Variants in FHIT observed in about 807,000 individuals in gnomAD.
FHIT encodes the protein bis(5'-adenosyl)-triphosphatase.
A neutral mutation model predicts 17.9 loss-of-function variants in FHIT; 19 were observed. That is an observed-to-expected ratio of 1.06 (90% CI 0.74 to 1.56). The LOEUF is 1.56. Ranked by LOEUF, FHIT falls within the 40% of genes most tolerant of loss-of-function variation. The probability of loss-of-function intolerance (pLI) is 0.00; values close to 1 mark genes in which losing one functional copy is unlikely to be tolerated. For synonymous variants in FHIT, 81 were observed against 69.7 expected (o/e 1.16, Z -0.81); for missense variants, 248 against 189.2 (o/e 1.31, Z -1.82).
intron 4 of FHIT, among the ~76,000 whole-genome samples, chr3:60,803,197 T>C (rs2106674168): frequency 6.6e-6 from 1 of 152,160 alleles, no homozygotes; most frequent in East Asian, 1.9e-4. Flanking sequence ...GGGTTGCTCT[T>C]TGTTAATGGG....
chr3:61,080,361 C>T (rs1399527962), intron 2 of FHIT, among the ~76,000 whole-genome samples: 1 of 152,124 alleles, frequency 6.6e-6, no homozygotes, highest in Non-Finnish European at 1.5e-5. Context: ...CCCTTCCTCC[C>T]CTTTGCCCTC....
chr3:59,827,738 A>G (rs1480364021), intron 8 of FHIT, among the ~76,000 whole-genome samples: 1 of 152,206 alleles, frequency 6.6e-6, no homozygotes, highest in Non-Finnish European at 1.5e-5. Context: ...TGATAAATCA[A>G]ATAGTTTTCA....
chr3:60,027,723 A>T (rs1289988790), intron 5 of FHIT, among the ~76,000 whole-genome samples: 6 of 149,014 alleles, frequency 4.0e-5, no homozygotes, highest in Admixed American at 3.4e-4. Flanking sequence ...TTAGTTTATA[A>T]AAAAAAAAAA....
chr3:60,233,379 A>G (rs1704602106), intron 5 of FHIT, among the ~76,000 whole-genome samples: 2 of 152,028 alleles, frequency 1.3e-5, no homozygotes, highest in Non-Finnish European at 2.9e-5. Flanking sequence ...ACCTTCAGAC[A>G]GGCTCTTTTC....
At chr3:60,736,880 A>G (rs2042144421) in intron 4 of FHIT, among the ~76,000 whole-genome samples, 1 of 152,244 alleles carries the variant, frequency 6.6e-6, no homozygotes, top group Non-Finnish European at 1.5e-5. Context: ...GAAATCCATG[A>G]TGATAACAAT....
At chr3:60,777,241 C>T (rs1188529203) in intron 4 of FHIT, among the ~76,000 whole-genome samples, 1 of 152,044 alleles carries the variant, frequency 6.6e-6, no homozygotes. Flanking sequence ...GAACATGTGC[C>T]CAAGGTGGTC....
chr3:60,173,098 G>A (rs1377705888), intron 5 of FHIT, among the ~76,000 whole-genome samples: 4 of 152,244 alleles, frequency 2.6e-5, no homozygotes, highest in African/African-American at 7.2e-5. Flanking sequence ...GACTTACTAT[G>A]AGCACGGCAT....
intron 5 of FHIT, among the ~76,000 whole-genome samples, chr3:60,026,966 G>A (rs1444221974): frequency 1.3e-5 from 2 of 151,962 alleles, no homozygotes; most frequent in Non-Finnish European, 2.9e-5. Flanking sequence ...AGGCATGGTG[G>A]CACACACCTG....
chr3:60,579,328 A>G (rs2037679484), intron 4 of FHIT, among the ~76,000 whole-genome samples: 1 of 152,186 alleles, frequency 6.6e-6, no homozygotes, highest in Non-Finnish European at 1.5e-5. Context: ...TAACACAAGT[A>G]TATTTGTGTA....
At chr3:60,605,513 C>A (rs1171368990) in intron 4 of FHIT, among the ~76,000 whole-genome samples, 1 of 152,166 alleles carries the variant, frequency 6.6e-6, no homozygotes, top group Admixed American at 6.5e-5. Flanking sequence ...GAAAAGAACC[C>A]TGAAAGACCT....
intron 5 of FHIT, among the ~76,000 whole-genome samples, chr3:60,362,793 T>A (rs1390602981): frequency 6.6e-6 from 1 of 152,134 alleles, no homozygotes; most frequent in Non-Finnish European, 1.5e-5. Flanking sequence ...TAGTGAGGGA[T>A]AAACAGGGTA....
chr3:61,148,831 A>G (rs2037303338), intron 2 of FHIT, among the ~76,000 whole-genome samples: 1 of 152,210 alleles, frequency 6.6e-6, no homozygotes, highest in Non-Finnish European at 1.5e-5. Context: ...ATTGGTTTCA[A>G]TCTAAGGAAA....
At chr3:60,411,887 A>G (rs1702074414) in intron 5 of FHIT, among the ~76,000 whole-genome samples, 1 of 152,164 alleles carries the variant, frequency 6.6e-6, no homozygotes, top group South Asian at 2.1e-4. Flanking sequence ...TTTTCTCTCT[A>G]GAAAAACTGC....
chr3:59,908,712 C>G (rs150877565), intron 8 of FHIT, among the ~76,000 whole-genome samples: 1,772 of 152,108 alleles, frequency 0.012, 34 homozygotes, highest in African/African-American at 0.039. Flanking sequence ...CAGAATATGA[C>G]TGAATGAATT....
At chr3:60,946,318 C>T (rs1562519) in intron 3 of FHIT, among the ~76,000 whole-genome samples, 41,386 of 152,094 alleles carry the variant, frequency 0.27, 6,040 homozygotes, top group Middle Eastern at 0.38. Context: ...AACAAGGGCA[C>T]TATTGGCATT....
intron 8 of FHIT, among the ~76,000 whole-genome samples, chr3:59,788,893 T>TTTTTTTTTTTTTTTTTTA (rs1553677010): frequency 6.8e-6 from 1 of 147,542 alleles, no homozygotes; most frequent in African/African-American, 2.5e-5. Context: ...TTTTTTTTTT[T>TTTTTTTTTTTTTTTTTTA]ACCCCATCTC....
chr3:60,746,461 T>C (rs1407879354), intron 4 of FHIT, among the ~76,000 whole-genome samples: 3 of 152,178 alleles, frequency 2.0e-5, no homozygotes, highest in African/African-American at 4.8e-5. Context: ...CGGCCTATGG[T>C]TCCGCCACAC....
intron 5 of FHIT, among the ~76,000 whole-genome samples, chr3:60,237,301 C>T (rs892095469): frequency 1.4e-5 from 2 of 139,208 alleles, no homozygotes; most frequent in African/African-American, 2.8e-5. Context: ...GATGATAGCA[C>T]CTATTTCCTA....
At chr3:60,720,104 A>G (rs1185530890) in intron 4 of FHIT, among the ~76,000 whole-genome samples, 1 of 152,182 alleles carries the variant, frequency 6.6e-6, no homozygotes, top group Non-Finnish European at 1.5e-5. Context: ...CTTATCTTGC[A>G]TGATGCTCCA....
Sources: gnomAD v4.1 joint callset for allele counts (sites outside exome capture counted in the v4.1 genomes callset) on GRCh38, gnomAD v4.1.1 for gene constraint, MANE v1.5 for transcripts, NCBI Gene and HGNC (gene_info 2026-07-23, HGNC 2026-07-21) for gene names.